The following CEACAM16 variants were observed in gnomAD, a reference collection of about 807,000 sequenced individuals.
CEACAM16 encodes the protein CEA cell adhesion molecule 16, tectorial membrane component.
Under a neutral mutation model 39.4 loss-of-function variants are expected in CEACAM16, and 30 were observed. The observed-to-expected ratio is 0.76, with a 90% CI of 0.57 to 1.03. The LOEUF (loss-of-function observed/expected upper bound fraction) is 1.03, where lower values mean the gene tolerates loss of function less well. CEACAM16 is among the 50% of genes least tolerant of loss of function. The pLI is 0.00. For synonymous variants in CEACAM16, 262 were observed against 264.9 expected, an observed-to-expected ratio of 0.99 and a Z score of 0.11; for missense variants, 521 against 585.3, an observed-to-expected ratio of 0.89 and a Z score of 1.13.
Position 44,703,436 on chromosome 19 carries a change from A to G in CEACAM16, c.125A>G (p.His42Arg), listed in dbSNP as rs769206320. 1 of 1,613,832 alleles carries G rather than the reference A, an allele frequency of 6.2e-7. No individual in the cohort carries two copies. The highest frequency in any genetic ancestry group is 2.2e-5 in the East Asian group (1 of 44,884). The part of the protein sequence containing the change: ...SEGDNVTLVV[H>R]GLSGELLAYS... Reference sequence around the variant, plus strand: ...GGGGACAACGTCACGCTGGTCGTCCATGGGCTTTCGGGGGAACTGCTCGCC... The same window carrying G: ...GGGGACAACGTCACGCTGGTCGTCCGTGGGCTTTCGGGGGAACTGCTCGCC... Residue 42 changes from histidine (H) to arginine (R), a missense_variant, in exon 3 of 7, where the codon CAT (histidine) becomes CGT (arginine). His to Arg is a conservative substitution (Grantham distance 29, BLOSUM62 0). Coordinates refer to ENST00000587331, the MANE Select transcript of CEACAM16 (RefSeq NM_001039213.4).
chr19:44,702,398 C>G (rs1974361426), intron 2 of CEACAM16, among the ~76,000 whole-genome samples: 1 of 152,236 alleles, frequency 6.6e-6, no homozygotes, highest in Non-Finnish European at 1.5e-5. Flanking sequence ...TGGCCGCTGT[C>G]ACACGGCCAG....
chr19:44,705,593 G>T lies in CEACAM16; in HGVS notation c.665G>T (p.Gly222Val). The change falls in exon 5 of 7, where the codon GGC (glycine) becomes GTC (valine). Residue 222 changes from glycine to valine, a missense_variant. Coordinates refer to ENST00000587331, the MANE Select transcript of CEACAM16 (RefSeq NM_001039213.4). ...SEPINLTVYF[G>V]PERVAILQDS... The stretch of plus-strand genomic sequence containing the variant: ...TATCTCCCTCCTGCCCCCACAGTTG[G>T]CCCAGAGCGTGTGGCCATCCTCCAG... 1.9e-6 allele frequency: 3 copies of T among 1,596,236 alleles called. No individual in the cohort carries two copies. The highest frequency in any genetic ancestry group is 2.6e-6 in the Non-Finnish European group (3 of 1,167,242).
rs980640418 is a variant in CEACAM16, at chr19:44,710,657, G to T, written c.*151G>T. 3.6e-6 allele frequency: 4 copies of T among 1,100,280 alleles called. No homozygotes were observed. The highest frequency in any genetic ancestry group is 3.1e-5 in the African/African-American group (2 of 64,710). The allele number at this position is 1,100,280 out of a possible 1,614,324, so 68.2% of individuals were successfully genotyped here. ...TCCACCCTAGAGCTAGAGCCACAGG[G>T]CCCCACTCCCTCGCTGAGCTGTTGG... On this transcript the variant is annotated 3_prime_UTR_variant, in exon 7 of 7. Coordinates refer to ENST00000587331, the MANE Select transcript of CEACAM16 (RefSeq NM_001039213.4).
At chr19:44,708,431 G>T (rs1207974469) in intron 6 of CEACAM16, among the ~76,000 whole-genome samples, 2 of 152,200 alleles carry the variant, frequency 1.3e-5, no homozygotes, top group Non-Finnish European at 2.9e-5. Flanking sequence ...CAGACTGAGG[G>T]TTGCTAAAGG....
intron 6 of CEACAM16, among the ~76,000 whole-genome samples, chr19:44,709,472 G>T (rs1378854993): frequency 0.039 from 4,855 of 125,460 alleles, 365 homozygotes; most frequent in African/African-American, 0.08. Context: ...CAGAGTCAGG[G>T]ACCATGTCTC....
chr19:44,710,431 C>T (rs1444029562), intron 6 of CEACAM16, 65 bp from the exon 7 acceptor site: 6 of 1,575,926 alleles, frequency 3.8e-6, no homozygotes, highest in East Asian at 2.3e-5. Context: ...GGTGGGGGCA[C>T]TGGGGACCTG....
intron 4 of CEACAM16, 144 bp downstream of exon 4, chr19:44,704,440 ACTTGC>A: frequency 1.8e-6 from 2 of 1,102,692 alleles, no homozygotes; most frequent in Non-Finnish European, 2.5e-6. Context: ...CTTAAAGTGC[ACTTGC>A]CCTCGCCAGG....
At position 44,701,972 on chromosome 19, in the gene CEACAM16, G is replaced by A. The variant is rs926513715; in HGVS notation, c.37+479G>A. 1.3e-5 allele frequency among the ~76,000 whole-genome samples: 2 copies of A among 152,170 alleles called. No homozygotes were observed. The highest frequency in any genetic ancestry group is 2.9e-5 in the Non-Finnish European group (2 of 68,032). ...CCACATATGCCGTGTGCCCGGAGCT[G>A]TTCTGAGAGCTTCTCATGGTTTAAA... On this transcript the variant is annotated intron_variant, in intron 2 of 6. Transcript: ENST00000587331. The surrounding 1 kb of genome is among the most constrained non-coding windows in gnomAD (Gnocchi z 4.0).
intron 5 of CEACAM16, among the ~76,000 whole-genome samples, chr19:44,707,160 G>A (rs1386199827): frequency 2.0e-5 from 3 of 151,722 alleles, no homozygotes; most frequent in Non-Finnish European, 2.9e-5. Context: ...CCTGTTTTTT[G>A]AGCATTCCTA....
intron 5 of CEACAM16, among the ~76,000 whole-genome samples, chr19:44,706,079 G>A (rs947341109): frequency 6.6e-6 from 1 of 152,152 alleles, no homozygotes; most frequent in Admixed American, 6.6e-5. Flanking sequence ...GAGAACAAAT[G>A]GCAAACCATT....
intron 5 of CEACAM16, among the ~76,000 whole-genome samples, chr19:44,706,577 A>G (rs996331703): frequency 3.3e-5 from 5 of 152,006 alleles, no homozygotes; most frequent in African/African-American, 1.2e-4. Flanking sequence ...CCTCCCTCCC[A>G]CTAACAGGCT....
chr19:44,705,598 G>C lies in CEACAM16; in HGVS notation c.670G>C (p.Glu224Gln), dbSNP rs1479059529. Residue 224 changes from glutamate to glutamine, a missense_variant, in exon 5 of 7, where the codon GAG (glutamate) becomes CAG (glutamine). Transcript: ENST00000587331. Reference sequence around the variant, plus strand: ...CCCTCCTGCCCCCACAGTTGGCCCAGAGCGTGTGGCCATCCTCCAGGATTC... The same window carrying C: ...CCCTCCTGCCCCCACAGTTGGCCCACAGCGTGTGGCCATCCTCCAGGATTC... The part of the protein sequence containing the change: ...PINLTVYFGP[E>Q]RVAILQDSTT... 1.3e-6 allele frequency: 2 copies of C among 1,599,858 alleles called. No individual in the cohort carries two copies. Among genetic ancestry groups the C allele is most frequent in the African/African-American group, 1.3e-5 (1 of 74,662 alleles).
chr19:44,705,897 C>A lies in CEACAM16; in HGVS notation c.940+29C>A, dbSNP rs188095449. The stretch of plus-strand genomic sequence containing the variant: ...AGTCACCCCCAGCCTGACCACCCCC[C>A]AGTCCCCATGGAGGCCTCATCAGGC... On this transcript the variant is annotated intron_variant, in intron 5 of 6. Coordinates refer to ENST00000587331, the MANE Select transcript of CEACAM16 (RefSeq NM_001039213.4). 5 of 1,596,202 alleles carry A rather than the reference C, an allele frequency of 3.1e-6. No individual in the cohort carries two copies. In the Admixed American group the frequency reaches 5.1e-5, roughly 16 times the overall value.
chr19:44,709,001 A>T (rs1227910517), intron 6 of CEACAM16, among the ~76,000 whole-genome samples: 1 of 151,960 alleles, frequency 6.6e-6, no homozygotes, highest in African/African-American at 2.4e-5. Flanking sequence ...GGGAGCTTCT[A>T]GAGTCAGAAA....
Position 44,707,905 on chromosome 19 carries a change from A to G in CEACAM16, c.985A>G (p.Thr329Ala). 2 of 1,567,504 alleles carry G rather than the reference A, an allele frequency of 1.3e-6. No homozygotes were observed. Among genetic ancestry groups the G allele is most frequent in the Non-Finnish European group, 8.7e-7 (1 of 1,147,650 alleles). ...GATCGTGCCCGTGCCCACCAAGCCA[A>G]CGGAGGGCCAGGACGTAACACTGAC... is the stretch of plus-strand genomic sequence containing the variant. ...TMIVPVPTKP[T>A]EGQDVTLTVQ... The change falls in exon 6 of 7, where the codon ACG (threonine) becomes GCG (alanine). Residue 329 changes from threonine to alanine, a missense_variant. Transcript: ENST00000587331.
At chr19:44,704,611 A>C (rs1974411678) in intron 4 of CEACAM16, among the ~76,000 whole-genome samples, 4 of 152,168 alleles carry the variant, frequency 2.6e-5, no homozygotes. Flanking sequence ...ACATGCCTGT[A>C]GTCCCAGCCA....
At chr19:44,699,570 T>A in intron 1 of CEACAM16, 1 of 375,322 alleles carries the variant, frequency 2.7e-6, no homozygotes, top group South Asian at 2.1e-5. Context: ...AGAGACAGGG[T>A]TTCACCATGC....
intron 6 of CEACAM16, among the ~76,000 whole-genome samples, chr19:44,709,477 T>C (rs113288956): frequency 7.7e-6 from 1 of 129,764 alleles, no homozygotes; most frequent in African/African-American, 3.2e-5. Flanking sequence ...TCAGGGACCA[T>C]GTCTCCTTCA....
intron 4 of CEACAM16, 80 bp downstream of exon 4, chr19:44,704,376 T>C (rs1974407130): frequency 2.8e-6 from 4 of 1,418,094 alleles, no homozygotes; most frequent in African/African-American, 1.4e-5. Context: ...AGAGGGGGCC[T>C]AAGGGCACAC....
Sources: gnomAD v4.1 joint callset for allele counts (sites outside exome capture counted in the v4.1 genomes callset) on GRCh38, gnomAD v4.1.1 for gene constraint, Gnocchi (gnomAD v3.1) non-coding constraint, MANE v1.5 for transcripts, NCBI Gene and HGNC (gene_info 2026-07-23, HGNC 2026-07-21) for gene names.